Variants in ZMYM4 observed in about 807,000 individuals in gnomAD.
ZMYM4 encodes the protein zinc finger MYM-type protein 4.
A neutral mutation model predicts 183.2 loss-of-function variants in ZMYM4; 31 were observed. The observed-to-expected ratio is 0.17, with a 90% CI of 0.13 to 0.23. The LOEUF is 0.23. Among genes scored for constraint, ZMYM4 ranks in the 10% least tolerant of loss-of-function variants. The pLI, the probability that ZMYM4 is intolerant of heterozygous loss-of-function variation, is 1.00. For synonymous variants in ZMYM4, 592 were observed against 631.2 expected (o/e 0.94, Z 0.93); for missense variants, 1,273 against 1,840.3 (o/e 0.69, Z 5.64).
At chr1:35,342,021 TC>T (rs1643218174) in intron 2 of ZMYM4, among the ~76,000 whole-genome samples, 1 of 152,224 alleles carries the variant, frequency 6.6e-6, no homozygotes, top group South Asian at 2.1e-4. Context: ...ACTGAAATCA[TC>T]TGGACCTAGA....
intron 7 of ZMYM4, among the ~76,000 whole-genome samples, chr1:35,371,723 A>G (rs969987224): frequency 6.6e-6 from 1 of 152,210 alleles, no homozygotes; most frequent in African/African-American, 2.4e-5. Flanking sequence ...GGAGAAAAAG[A>G]TACTCCTCCT....
chr1:35,357,361 C>CCA (rs1643859156), intron 2 of ZMYM4, among the ~76,000 whole-genome samples: 1 of 152,186 alleles, frequency 6.6e-6, no homozygotes, highest in Middle Eastern at 3.2e-3. Context: ...AGCAAGGATG[C>CCA]CAGTGCCACT....
chr1:35,320,990 G>T (rs1642257989), intron 1 of ZMYM4, among the ~76,000 whole-genome samples: 1 of 152,048 alleles, frequency 6.6e-6, no homozygotes, highest in Non-Finnish European at 1.5e-5. Context: ...TTATTCTAAA[G>T]GTCTTTATAT....
At chr1:35,339,729 T>C (rs1352600346) in intron 2 of ZMYM4, among the ~76,000 whole-genome samples, 1 of 152,190 alleles carries the variant, frequency 6.6e-6, no homozygotes, top group Non-Finnish European at 1.5e-5. Context: ...TTTATTGATT[T>C]TGCCTTTCAC....
At chr1:35,300,082 A>G (rs1408885989) in intron 1 of ZMYM4, among the ~76,000 whole-genome samples, 1 of 152,154 alleles carries the variant, frequency 6.6e-6, no homozygotes, top group Non-Finnish European at 1.5e-5. Context: ...GGCATGAGCC[A>G]CTATGCCCGG....
intron 23 of ZMYM4, among the ~76,000 whole-genome samples, chr1:35,401,909 A>T (rs1644916334): frequency 1.3e-5 from 2 of 152,178 alleles, no homozygotes; most frequent in Admixed American, 1.3e-4. Flanking sequence ...AAAGTCAATC[A>T]TATATGTATC....
chr1:35,380,458 G>C (rs1644431055), intron 7 of ZMYM4, among the ~76,000 whole-genome samples: 1 of 152,094 alleles, frequency 6.6e-6, no homozygotes, highest in Non-Finnish European at 1.5e-5. Context: ...CTCCTGAGTA[G>C]CTGGGACTAC....
At chr1:35,308,729 C>T (rs1334055404) in intron 1 of ZMYM4, among the ~76,000 whole-genome samples, 3 of 152,028 alleles carry the variant, frequency 2.0e-5, no homozygotes, top group Admixed American at 6.6e-5. Context: ...GGCATGGTGG[C>T]GCATGCCTGT....
chr1:35,372,708 A>G (rs1033904436), intron 7 of ZMYM4, among the ~76,000 whole-genome samples: 2 of 149,996 alleles, frequency 1.3e-5, no homozygotes, highest in African/African-American at 2.4e-5. Flanking sequence ...TATTTGCATT[A>G]TATCTACTAA....
chr1:35,272,136 G>A (rs547546688), intron 1 of ZMYM4, among the ~76,000 whole-genome samples: 5 of 152,166 alleles, frequency 3.3e-5, no homozygotes, highest in South Asian at 2.1e-4. Context: ...ACTCCAAGCC[G>A]ATTAATGGGG....
intron 1 of ZMYM4, among the ~76,000 whole-genome samples, chr1:35,275,386 C>T (rs1434217365): frequency 3.3e-5 from 5 of 151,988 alleles, no homozygotes; most frequent in Admixed American, 6.6e-5. Flanking sequence ...GGATTACAGG[C>T]GTGCACCACA....
intron 11 of ZMYM4, among the ~76,000 whole-genome samples, chr1:35,386,642 T>C (rs1426304419): frequency 1.3e-5 from 2 of 152,178 alleles, no homozygotes; most frequent in African/African-American, 4.8e-5. Flanking sequence ...TTATTAGGTG[T>C]TTGCTAGGGC....
rs150249597 is a variant in ZMYM4 at position 35,359,343 on chromosome 1, A to G, written c.504A>G (p.Gly168=). Residue 168 remains glycine (G), a synonymous_variant, in exon 3 of 30, where the codon GGA becomes GGG. Coordinates refer to ENST00000314607, the MANE Select transcript of ZMYM4 (RefSeq NM_005095.3). ...AAAACAGCAAAGAGACATTTTCTGG[A>G]AAGGAGAAAAATAGAGACCTAACTT... ...VRENSKETFS[G]KEKNRDLTYE... 68 of 1,610,392 alleles carry G rather than the reference A, an allele frequency of 4.2e-5. No individual in the cohort carries two copies. In the African/African-American group the frequency reaches 8.2e-4, roughly 19 times the overall value.
At chr1:35,400,574 T>C (rs1301866854) in intron 23 of ZMYM4, among the ~76,000 whole-genome samples, 1 of 152,182 alleles carries the variant, frequency 6.6e-6, no homozygotes, top group Non-Finnish European at 1.5e-5. Context: ...GACAGGGCTT[T>C]CCTATACAAA....
chr1:35,328,490 CTTA>C lies in ZMYM4; in HGVS notation c.85+3090_85+3092del, dbSNP rs1349828854. On this transcript the variant is annotated intron_variant, in intron 2 of 29. Coordinates refer to ENST00000314607, the MANE Select transcript of ZMYM4 (RefSeq NM_005095.3). ...TTTTTTTTTTTTGTAGAGATTAGGT[CTTA>C]TTATGTTTTCCAATCAGGTCTTAAA... Among the ~76,000 whole-genome samples the C allele has an allele frequency of 3.7e-5, 3 of 81,752 alleles. No individual in the cohort carries two copies. The East Asian group carries it at 1.2e-3, about 32-fold the overall frequency. The allele number at this position is 81,752 out of a possible 152,430, so 53.6% of individuals were successfully genotyped here. A position where few individuals can be genotyped will look rare whatever the true frequency, so the allele number is the denominator to read the frequency against.
At chr1:35,337,880 A>C (rs1389078809) in intron 2 of ZMYM4, among the ~76,000 whole-genome samples, 1 of 152,220 alleles carries the variant, frequency 6.6e-6, no homozygotes, top group Non-Finnish European at 1.5e-5. Context: ...TGGAGGTTGC[A>C]GTGAGCCAGG....
intron 2 of ZMYM4, among the ~76,000 whole-genome samples, chr1:35,352,930 GTCTTC>G (rs970494342): frequency 2.0e-5 from 3 of 152,140 alleles, no homozygotes; most frequent in Non-Finnish European, 4.4e-5. Context: ...TTCTTGGCCA[GTCTTC>G]TCTTAACTAC....
intron 1 of ZMYM4, among the ~76,000 whole-genome samples, chr1:35,314,307 C>T (rs556950371): frequency 3.3e-5 from 5 of 150,946 alleles, no homozygotes; most frequent in Admixed American, 2.0e-4. Context: ...TTTTTTGAGA[C>T]GGAGTCTTGC....
intron 28 of ZMYM4, among the ~76,000 whole-genome samples, chr1:35,416,012 G>A (rs1640100586): frequency 6.6e-6 from 1 of 152,232 alleles, no homozygotes; most frequent in Non-Finnish European, 1.5e-5. Flanking sequence ...ACAGGGTTGA[G>A]AATCACTAAT....
Sources: allele counts gnomAD v4.1 joint callset (sites outside exome capture counted in the v4.1 genomes callset), GRCh38; gene constraint gnomAD v4.1.1; transcripts MANE v1.5; gene names NCBI Gene and HGNC (gene_info 2026-07-23, HGNC 2026-07-21).